The following CNR1 variants were observed in gnomAD, a reference collection of about 807,000 sequenced individuals.
CNR1 encodes the protein cannabinoid receptor 1.
CNR1 carries 10 observed loss-of-function variants against 23.0 expected under a neutral mutation model. That is an observed-to-expected ratio of 0.43 (90% CI 0.27 to 0.74). The LOEUF is 0.74. Ranked by LOEUF, CNR1 falls within the 30% of genes least tolerant of loss-of-function variation. CNR1 has a pLI of 0.19. For missense variants in CNR1, 422 were observed against 618.8 expected, an observed-to-expected ratio of 0.68 and a Z score of 3.37; for synonymous variants, 271 against 255.2, an observed-to-expected ratio of 1.06 and a Z score of -0.59.
At chr6:88,161,996 TAAAA>T (rs1778134652) in intron 1 of CNR1, among the ~76,000 whole-genome samples, 2 of 152,220 alleles carry the variant, frequency 1.3e-5, no homozygotes, top group African/African-American at 2.4e-5. Context: ...AAGGATTGGC[TAAAA>T]AGAAACTGTC....
At position 88,145,004 on chromosome 6, in the gene CNR1, C is replaced by T. The variant is rs1405822854; in HGVS notation, c.271G>A (p.Glu91Lys). Reference protein sequence around the residue: ...FYNKSLSSFKENEENIQCGEN... With the variant: ...FYNKSLSSFKKNEENIQCGEN... The stretch of plus-strand genomic sequence containing the variant: ...CCACACTGGATGTTCTCCTCATTCT[C>T]CTTGAAGGACGAGAGAGACTTGTTG... Residue 91 changes from glutamate (E) to lysine (K), a missense_variant, in exon 2 of 2, where the codon GAG becomes AAG. Glu to Lys is a moderately conservative substitution (Grantham distance 56). Around this residue, in one of 4 missense-constraint regions of CNR1, gnomAD observed 120 missense variants for 117.6 expected, o/e 1.02. Coordinates refer to ENST00000369501, the MANE Select transcript of CNR1 (RefSeq NM_016083.6). 1 of 1,614,112 alleles carries T rather than the reference C, an allele frequency of 6.2e-7. No homozygotes were observed. Among genetic ancestry groups the T allele is most frequent in the Non-Finnish European group, 8.5e-7 (1 of 1,180,018 alleles).
chr6:88,149,206 C>G (rs971140366), intron 1 of CNR1, among the ~76,000 whole-genome samples: 1 of 152,208 alleles, frequency 6.6e-6, no homozygotes, highest in Non-Finnish European at 1.5e-5. Context: ...CAAAGACCAA[C>G]AGCCAAGCCA....
chr6:88,161,607 A>C (rs1778110816), intron 1 of CNR1, among the ~76,000 whole-genome samples: 1 of 152,224 alleles, frequency 6.6e-6, no homozygotes, highest in African/African-American at 2.4e-5. Context: ...AAGAAATATA[A>C]TCCAGGAAAG....
At position 88,144,228 on chromosome 6, in the gene CNR1, C is replaced by G. The variant is rs1268083626; in HGVS notation, c.1047G>C (p.Leu349=). 6.2e-7 allele frequency: 1 copy of G among 1,611,792 alleles called. No individual in the cohort carries two copies. The highest frequency in any genetic ancestry group is 8.5e-7 in the Non-Finnish European group (1 of 1,179,976). ...GGCCCCAGCAGATGATCAACACCAC[C>G]AGGATCAGGACCAGGGTCTTGGCTA... ...IRLAKTLVLI[L]VVLIICWGPL... is the part of the protein sequence containing the mutation. The change falls in exon 2 of 2, where the codon CTG becomes CTC. Residue 349 remains leucine, a synonymous_variant. Transcript: ENST00000369501. This position sits in a 1 kb window ranked among gnomAD's most constrained non-coding sequence, Gnocchi z 7.8.
chr6:88,165,497 GC>G (rs1778323192), intron 1 of CNR1, among the ~76,000 whole-genome samples: 1 of 152,162 alleles, frequency 6.6e-6, no homozygotes, highest in African/African-American at 2.4e-5. Context: ...TGGTTTATAG[GC>G]ATTCAGCACC....
intron 1 of CNR1, among the ~76,000 whole-genome samples, chr6:88,154,279 C>A (rs1777680179): frequency 6.6e-6 from 1 of 152,050 alleles, no homozygotes; most frequent in Non-Finnish European, 1.5e-5. Context: ...TACTTCTGTT[C>A]AAATTTAATG....
At chr6:88,152,049 T>G (rs183264111) in intron 1 of CNR1, among the ~76,000 whole-genome samples, 2 of 152,076 alleles carry the variant, frequency 1.3e-5, no homozygotes, top group Admixed American at 1.3e-4. Flanking sequence ...GAATTAACAG[T>G]AACTAGGTTA....
At chr6:88,156,516 T>C (rs1004976689) in intron 1 of CNR1, among the ~76,000 whole-genome samples, 3 of 152,268 alleles carry the variant, frequency 2.0e-5, no homozygotes, top group South Asian at 4.1e-4. Flanking sequence ...TAAAAACATA[T>C]AAAGGGAATA....
chr6:88,153,359 T>C (rs139845309), intron 1 of CNR1, among the ~76,000 whole-genome samples: 1 of 152,140 alleles, frequency 6.6e-6, no homozygotes, highest in African/African-American at 2.4e-5. Context: ...AAAATGTCCA[T>C]GTGTTCTAGG....
intron 1 of CNR1, among the ~76,000 whole-genome samples, chr6:88,156,377 C>T (rs1043121857): frequency 2.6e-5 from 4 of 152,190 alleles, no homozygotes; most frequent in African/African-American, 9.7e-5. Context: ...ATCCATGCTT[C>T]ACACCCATGT....
rs1777096937 is a variant in CNR1, at chr6:88,145,116, A to G, written c.159T>C (p.Phe53=). Residue 53 remains phenylalanine (F), a synonymous_variant, in exon 2 of 2, where the codon TTT becomes TTC. Transcript: ENST00000369501. ...YFPQKFPLTS[F]RGSPFQEKMT... is the part of the protein sequence containing the mutation. ...TCTTCTCTTGGAAGGGACTTCCCCT[A>G]AAGGAAGTTAAAGGGAATTTCTGTG... 11 of 1,614,170 alleles carry G rather than the reference A, an allele frequency of 6.8e-6. 1 individual carries two copies. The East Asian group carries it at 1.8e-4, about 26-fold the overall frequency.
chr6:88,167,225 G>A (rs879222710), upstream of CNR1, among the ~76,000 whole-genome samples: 8 of 151,752 alleles, frequency 5.3e-5, no homozygotes, highest in Admixed American at 3.9e-4. Flanking sequence ...CTCCAGGGCC[G>A]GACTGGGGGC....
intron 1 of CNR1, among the ~76,000 whole-genome samples, chr6:88,163,938 G>C (rs1012618285): frequency 1.3e-5 from 2 of 152,174 alleles, no homozygotes; most frequent in African/African-American, 4.8e-5. Flanking sequence ...GAAAACAGTG[G>C]ATAACAAACA....
In CNR1 at chr6:88,144,657, G is replaced by A. The variant is rs1029658899; in HGVS notation, c.618C>T (p.Ser206=). Residue 206 remains serine, a synonymous_variant, in exon 2 of 2, where the codon AGC becomes AGT. Coordinates refer to ENST00000369501, the MANE Select transcript of CNR1 (RefSeq NM_016083.6). The surrounding 1 kb of genome is among the most constrained non-coding windows in gnomAD (Gnocchi z 7.8). ...VTASFTASVG[S]LFLTAIDRYI... is the part of the protein sequence containing the mutation. The stretch of plus-strand genomic sequence containing the variant: ...ACCTGTCGATGGCTGTGAGGAACAG[G>A]CTGCCCACGGAGGCAGTGAAGGAGG... The A allele has an allele frequency of 5.6e-6, 9 of 1,614,090 alleles. No individual in the cohort carries two copies. The highest frequency in any genetic ancestry group is 1.3e-5 in the African/African-American group (1 of 74,946).
chr6:88,150,878 G>A (rs1285809833), intron 1 of CNR1, among the ~76,000 whole-genome samples: 1 of 152,208 alleles, frequency 6.6e-6, no homozygotes, highest in Non-Finnish European at 1.5e-5. Context: ...CAAGGAGCAA[G>A]AGTTGACTCC....
chr6:88,158,105 C>T (rs536707589), intron 1 of CNR1, among the ~76,000 whole-genome samples: 14 of 152,280 alleles, frequency 9.2e-5, no homozygotes, highest in South Asian at 2.1e-4. Flanking sequence ...GAAAAATATG[C>T]TTTCAAGATG....
At position 88,144,773 on chromosome 6, in the gene CNR1, C is replaced by T; in HGVS notation, c.502G>A (p.Val168Ile). 1.2e-6 allele frequency: 2 copies of T among 1,614,136 alleles called. No homozygotes were observed. The highest frequency in any genetic ancestry group is 1.7e-6 in the Non-Finnish European group (2 of 1,180,018). ...SLAVADLLGS[V>I]IFVYSFIDFH... is the part of the protein sequence containing the mutation. ...TCAATGAAGCTGTAGACAAAAATGA[C>T]ACTCCCCAGGAGGTCTGCCACCGCC... Residue 168 changes from valine (V) to isoleucine (I), a missense_variant, in exon 2 of 2, where the codon GTC (valine) becomes ATC (isoleucine). By Grantham distance (29) the Val-to-Ile change is conservative. Transcript: ENST00000369501. The surrounding 1 kb of genome is among the most constrained non-coding windows in gnomAD (Gnocchi z 7.8).
Position 88,144,549 on chromosome 6 carries a change from G to A in CNR1, c.726C>T (p.Thr242=), listed in dbSNP as rs565455733. ...KAVVAFCLMW[T]IAIVIAVLPL... Reference sequence around the variant, plus strand: ...GCAGCACGGCGATCACAATGGCTATGGTCCACATCAGGCAAAACGCCACCA... The same window carrying A: ...GCAGCACGGCGATCACAATGGCTATAGTCCACATCAGGCAAAACGCCACCA... The change falls in exon 2 of 2, where the codon ACC becomes ACT. Residue 242 remains threonine (T), a synonymous_variant. Transcript: ENST00000369501. This position sits in a 1 kb window ranked among gnomAD's most constrained non-coding sequence, Gnocchi z 7.8. The A allele has an allele frequency of 2.2e-5, 36 of 1,614,194 alleles. No individual in the cohort carries two copies. The South Asian group carries it at 3.7e-4, about 17-fold the overall frequency.
intron 1 of CNR1, among the ~76,000 whole-genome samples, chr6:88,163,729 C>A (rs1206363955): frequency 6.6e-6 from 1 of 152,218 alleles, no homozygotes; most frequent in Admixed American, 6.5e-5. Context: ...AAATATGCCA[C>A]AAATACAGTG....
Sources: allele counts gnomAD v4.1 joint callset (sites outside exome capture counted in the v4.1 genomes callset), GRCh38; gene constraint gnomAD v4.1.1; regional missense constraint gnomAD v4.1.1; non-coding constraint Gnocchi (gnomAD v3.1); transcripts MANE v1.5; gene names NCBI Gene and HGNC (gene_info 2026-07-23, HGNC 2026-07-21).